Variants in UPK3BL2 observed in about 807,000 individuals in gnomAD.
UPK3BL2 encodes the protein uroplakin 3B like 2.
A neutral mutation model predicts 11.3 loss-of-function variants in UPK3BL2; 1 was observed. The ratio of observed to expected loss-of-function variants is 0.09; its 90% CI spans 0.03 to 0.42. The LOEUF (loss-of-function observed/expected upper bound fraction) is 0.42, where lower values mean the gene tolerates loss of function less well. Ranked by LOEUF, UPK3BL2 falls within the 10% of genes least tolerant of loss-of-function variation. The pLI, the probability that UPK3BL2 is intolerant of heterozygous loss-of-function variation, is 0.98.
At chr7:102,538,047 T>C (rs1586797405), downstream of UPK3BL2, 1 of 24,426 alleles carries the variant, frequency 4.1e-5, no homozygotes, top group African/African-American at 5.4e-5. Context: ...AATCCCAGCA[T>C]TTTGGGAGGC....
chr7:102,542,950 A>G (rs1291955947), intron 1 of UPK3BL2, among the ~76,000 whole-genome samples: 1 of 152,198 alleles, frequency 6.6e-6, no homozygotes, highest in African/African-American at 2.4e-5. Flanking sequence ...GTGAGCCGAG[A>G]TCGCGCCACT....
intron 1 of UPK3BL2, among the ~76,000 whole-genome samples, chr7:102,542,998 G>GAAAAAAAAAAAAA (rs536228128): frequency 8.6e-6 from 1 of 116,602 alleles, no homozygotes; most frequent in Non-Finnish European, 1.9e-5. Context: ...ACTCTGTCTC[G>GAAAAAAAAAAAAA]AAAAAAAAAA....
chr7:102,541,594 AC>A lies in UPK3BL2; in HGVS notation c.180del (p.Ser61ProfsTer9). ...AGAGGCTGCTCCAGCGTGAAGGTGG[AC>A]AGGGTGAGCCTCCCCGCCAAGGTGT... On this transcript the variant is annotated frameshift_variant, in exon 2 of 6. Coordinates refer to ENST00000644544, the Ensembl canonical transcript of UPK3BL2. LOFTEE classifies it high-confidence loss of function. 1.3e-6 allele frequency: 2 copies of A among 1,528,498 alleles called. No individual in the cohort carries two copies. Among genetic ancestry groups the A allele is most frequent in the Non-Finnish European group, 1.8e-6 (2 of 1,135,452 alleles). 94.7% of individuals were successfully genotyped at this position (1,528,498 alleles called of 1,614,324 possible). A position where few individuals can be genotyped will look rare whatever the true frequency, so the allele number is the denominator to read the frequency against.
At chr7:102,538,323 C>T (rs867251496), downstream of UPK3BL2, 4,108 of 323,236 alleles carry the variant, frequency 0.013, 139 homozygotes, top group African/African-American at 0.097. Flanking sequence ...CAATCTCTCT[C>T]AGGGTCCAGA....
chr7:102,542,992 T>G (rs1386007750), intron 1 of UPK3BL2, among the ~76,000 whole-genome samples: 2 of 145,270 alleles, frequency 1.4e-5, no homozygotes, highest in Non-Finnish European at 3.0e-5. Flanking sequence ...TGGGAGACTC[T>G]GTCTCGAAAA....
At chr7:102,543,097 G>T (rs1563690995) in intron 1 of UPK3BL2, among the ~76,000 whole-genome samples, 1 of 150,042 alleles carries the variant, frequency 6.7e-6, no homozygotes, top group Non-Finnish European at 1.5e-5. Context: ...GAGATTGTAG[G>T]ACTGTATCTC....
intron 3 of UPK3BL2, among the ~76,000 whole-genome samples, chr7:102,540,855 C>CAAAAAAAAACAAAAAAA (rs1800227070): frequency 1.6e-5 from 1 of 61,262 alleles, no homozygotes; most frequent in African/African-American, 4.8e-5. Context: ...AAAAACAAAA[C>CAAAAAAAAACAAAAAAA]AAAAAAAAAA....
At chr7:102,539,061 CT>C (rs1161838451) in intron 5 of UPK3BL2, among the ~76,000 whole-genome samples, 1,022 of 44,942 alleles carry the variant, frequency 0.023, 3 homozygotes, top group African/African-American at 0.05. Context: ...ACACCCCCCC[CT>C]TTTTTTTTTT....
chr7:102,540,874 A>AAAAAAAAG (rs1554587419), intron 3 of UPK3BL2, among the ~76,000 whole-genome samples: 2 of 119,616 alleles, frequency 1.7e-5, no homozygotes, highest in African/African-American at 3.2e-5. Flanking sequence ...AAAAAAAAAA[A>AAAAAAAAG]AAGAAGAAAA....
chr7:102,540,855 C>CAAAACAAAAAAAAAAAAAAAAAAAAAA (rs1479651896), intron 3 of UPK3BL2, among the ~76,000 whole-genome samples: 3 of 61,282 alleles, frequency 4.9e-5, no homozygotes, highest in Non-Finnish European at 1.1e-4. Flanking sequence ...AAAAACAAAA[C>CAAAACAAAAAAAAAAAAAAAAAAAAAA]AAAAAAAAAA....
chr7:102,542,935 T>C (rs1800333179), intron 1 of UPK3BL2, among the ~76,000 whole-genome samples: 1 of 151,404 alleles, frequency 6.6e-6, no homozygotes, highest in South Asian at 2.1e-4. Flanking sequence ...GAGGCGGAGG[T>C]TGTGGTGAGC....
At chr7:102,542,998 GA>G (rs536228128) in intron 1 of UPK3BL2, among the ~76,000 whole-genome samples, 168 of 116,446 alleles carry the variant, frequency 1.4e-3, no homozygotes, top group African/African-American at 1.5e-3. Flanking sequence ...ACTCTGTCTC[GA>G]AAAAAAAAAA....
chr7:102,542,964 C>T (rs1266086726), intron 1 of UPK3BL2, among the ~76,000 whole-genome samples: 4 of 151,668 alleles, frequency 2.6e-5, no homozygotes, highest in Non-Finnish European at 4.4e-5. Context: ...CGCCACTGTA[C>T]TCCAGCCTGG....
chr7:102,540,890 A>AC (rs1391948051), intron 3 of UPK3BL2, among the ~76,000 whole-genome samples: 1 of 127,822 alleles, frequency 7.8e-6, no homozygotes, highest in Non-Finnish European at 1.7e-5. Flanking sequence ...GAAAAGGAAA[A>AC]AAAAAAAAAA....
intron 3 of UPK3BL2, among the ~76,000 whole-genome samples, 187 bp downstream of exon 3, chr7:102,540,905 AG>A (rs1264539820): frequency 3.6e-4 from 45 of 123,896 alleles, no homozygotes; most frequent in Admixed American, 4.8e-4. Flanking sequence ...AAAAAAGAGA[AG>A]AAGGATAATT....
At chr7:102,542,997 CGA>C (rs1491369102) in intron 1 of UPK3BL2, among the ~76,000 whole-genome samples, 25 of 117,398 alleles carry the variant, frequency 2.1e-4, no homozygotes, top group African/African-American at 6.9e-4. Context: ...GACTCTGTCT[CGA>C]AAAAAAAAAA....
downstream of UPK3BL2, chr7:102,538,282 A>C (rs1333995770): frequency 9.6e-6 from 4 of 414,790 alleles, 2 homozygotes; most frequent in Non-Finnish European, 1.7e-5. Context: ...TCCGTCTCAA[A>C]AAAAAAAAAA....
At chr7:102,540,326 G>C (rs1800196708) in intron 3 of UPK3BL2, among the ~76,000 whole-genome samples, 1 of 79,942 alleles carries the variant, frequency 1.3e-5, no homozygotes, top group Non-Finnish European at 2.9e-5. Context: ...ATTTGGGAAA[G>C]GTAGAGGGCG....
chr7:102,543,039 G>C (rs1044248309), intron 1 of UPK3BL2, among the ~76,000 whole-genome samples: 1 of 149,704 alleles, frequency 6.7e-6, no homozygotes, highest in Non-Finnish European at 1.5e-5. Flanking sequence ...AAAAGAAAAA[G>C]AAAAAGAAAA....
Sources: allele counts gnomAD v4.1 joint callset (sites outside exome capture counted in the v4.1 genomes callset), GRCh38; gene constraint gnomAD v4.1.1; transcripts MANE v1.5; gene names NCBI Gene and HGNC (gene_info 2026-07-23, HGNC 2026-07-21).